PTCHD4: variants seen among roughly 807,000 people sequenced by gnomAD.
PTCHD4 encodes patched domain-containing protein 4.
A neutral mutation model predicts 58.1 loss-of-function variants in PTCHD4; 33 were observed. The observed-to-expected ratio is 0.57, with a 90% CI of 0.43 to 0.76. The LOEUF (loss-of-function observed/expected upper bound fraction) is 0.76, where lower values mean the gene tolerates loss of function less well. Ranked by LOEUF, PTCHD4 falls within the 30% of genes least tolerant of loss-of-function variation. The pLI, the probability that PTCHD4 is intolerant of heterozygous loss-of-function variation, is 0.00. For synonymous variants in PTCHD4, 478 were observed against 409.6 expected (o/e 1.17, Z -2.02); for missense variants, 1,058 against 1,027.1 (o/e 1.03, Z -0.41).
At chr6:48,013,382 T>TTC (rs1350579711) in intron 3 of PTCHD4, among the ~76,000 whole-genome samples, 2 of 151,658 alleles carry the variant, frequency 1.3e-5, no homozygotes, top group Non-Finnish European at 2.9e-5. Flanking sequence ...TGAGTTTTTT[T>TTC]TTTTTTTCTC....
chr6:47,948,603 C>A (rs988034504), intron 4 of PTCHD4, among the ~76,000 whole-genome samples: 11 of 152,272 alleles, frequency 7.2e-5, no homozygotes, highest in Middle Eastern at 3.4e-3. Flanking sequence ...GCTGAAATTT[C>A]TTCTGTTCTC....
At chr6:48,102,047 C>A (rs1401197759) in intron 1 of PTCHD4, among the ~76,000 whole-genome samples, 2 of 152,328 alleles carry the variant, frequency 1.3e-5, no homozygotes, top group Admixed American at 6.5e-5. Context: ...ATGTTCATTT[C>A]TTAGTCTAGA....
chr6:47,972,761 AT>A (rs148901383), intron 4 of PTCHD4, among the ~76,000 whole-genome samples: 8,778 of 152,092 alleles, frequency 0.058, 420 homozygotes, highest in African/African-American at 0.13. Context: ...GCTTCACCTA[AT>A]GTTAATGATG....
chr6:48,058,514 G>T (rs188716795), intron 3 of PTCHD4, among the ~76,000 whole-genome samples: 9 of 152,266 alleles, frequency 5.9e-5, no homozygotes, highest in African/African-American at 2.2e-4. Flanking sequence ...GAAAATAGCA[G>T]ATGCTTGGCT....
chr6:48,001,422 C>A (rs563055504), intron 4 of PTCHD4, among the ~76,000 whole-genome samples: 3 of 152,012 alleles, frequency 2.0e-5, no homozygotes, highest in African/African-American at 7.2e-5. Flanking sequence ...TATAGACCAA[C>A]GGAACAGAAC....
intron 4 of PTCHD4, among the ~76,000 whole-genome samples, chr6:47,916,465 A>G (rs928105852): frequency 9.2e-5 from 14 of 152,096 alleles, no homozygotes; most frequent in African/African-American, 3.4e-4. Context: ...GAGCCAAAGC[A>G]AGAAAAGGCT....
chr6:48,076,861 G>A (rs1254796557), intron 1 of PTCHD4, among the ~76,000 whole-genome samples: 1 of 152,200 alleles, frequency 6.6e-6, no homozygotes, highest in African/African-American at 2.4e-5. Flanking sequence ...AGCCTTATTT[G>A]AGTGCAGTTT....
At chr6:48,017,370 A>G (rs1762902871) in intron 3 of PTCHD4, among the ~76,000 whole-genome samples, 1 of 152,204 alleles carries the variant, frequency 6.6e-6, no homozygotes, top group Non-Finnish European at 1.5e-5. Context: ...CTAAATAAGT[A>G]ATAAATTCAA....
chr6:48,034,983 G>A lies in PTCHD4; in HGVS notation c.418-25869C>T, dbSNP rs150849417. 3.5e-4 allele frequency among the ~76,000 whole-genome samples: 53 copies of A among 152,204 alleles called. 2 individuals carry two copies. The East Asian group carries it at 0.01, about 29-fold the overall frequency. ...CACTTCACCCTTCCGAAGAAGGGGC[G>A]GGGACATATTTCTCATAAGAGTTGA... is the stretch of plus-strand genomic sequence containing the variant. On this transcript the variant is annotated intron_variant, in intron 3 of 4. Coordinates refer to ENST00000339488, the MANE Select transcript of PTCHD4 (RefSeq NM_001384253.1).
At position 47,860,334 on chromosome 6, in the gene PTCHD4, T is replaced by C. The variant is rs967827962; in HGVS notation, c.*17969A>G. On this transcript the variant is annotated 3_prime_UTR_variant, in exon 5 of 5. Transcript: ENST00000339488. ...AAGAAATGAAAGAAATATATAAAAC[T>C]GTCAATTAAGAAAAGACAAAGAAAT... is the stretch of plus-strand genomic sequence containing the variant. Among the ~76,000 whole-genome samples the C allele has an allele frequency of 1.3e-5, 2 of 151,988 alleles. No individual in the cohort carries two copies. Among genetic ancestry groups the C allele is most frequent in the Non-Finnish European group, 2.9e-5 (2 of 67,958 alleles).
At chr6:48,086,975 T>C (rs989420435) in intron 1 of PTCHD4, among the ~76,000 whole-genome samples, 2 of 152,180 alleles carry the variant, frequency 1.3e-5, no homozygotes, top group African/African-American at 4.8e-5. Flanking sequence ...ATATTAAATA[T>C]AAAGGAACTG....
chr6:48,021,754 T>C (rs964327386), intron 3 of PTCHD4, among the ~76,000 whole-genome samples: 1 of 152,158 alleles, frequency 6.6e-6, no homozygotes, highest in Non-Finnish European at 1.5e-5. Flanking sequence ...TTTTCTAATT[T>C]CTATTTTGCT....
intron 4 of PTCHD4, among the ~76,000 whole-genome samples, chr6:47,942,019 T>C (rs1469302076): frequency 6.6e-6 from 1 of 152,196 alleles, no homozygotes; most frequent in African/African-American, 2.4e-5. Flanking sequence ...TTGCACAATT[T>C]GGAATATTCT....
chr6:47,994,437 C>A (rs1768402379), intron 4 of PTCHD4, among the ~76,000 whole-genome samples: 1 of 152,122 alleles, frequency 6.6e-6, no homozygotes, highest in Non-Finnish European at 1.5e-5. Context: ...CAAGTCTTGA[C>A]CTTTTAATGA....
chr6:48,035,927 C>A (rs1763616589), intron 3 of PTCHD4, among the ~76,000 whole-genome samples: 1 of 152,056 alleles, frequency 6.6e-6, no homozygotes, highest in South Asian at 2.1e-4. Flanking sequence ...TATCTCTCTC[C>A]CCCACTGAAA....
intron 3 of PTCHD4, among the ~76,000 whole-genome samples, chr6:48,046,711 A>G (rs529628835): frequency 2.0e-5 from 3 of 151,988 alleles, no homozygotes; most frequent in Admixed American, 6.6e-5. Context: ...GTCCTGCAGT[A>G]TAACATCTAA....
At chr6:48,050,356 T>A (rs1470877655) in intron 3 of PTCHD4, among the ~76,000 whole-genome samples, 1 of 152,026 alleles carries the variant, frequency 6.6e-6, no homozygotes, top group South Asian at 2.1e-4. Context: ...CCTTTTCCAC[T>A]TTTAATCTTG....
In PTCHD4 at chr6:47,878,671, C is replaced by T. The variant is rs762289499; in HGVS notation, c.2164G>A (p.Ala722Thr). 21 of 1,613,330 alleles carry T rather than the reference C, an allele frequency of 1.3e-5. No individual in the cohort carries two copies. The highest frequency in any genetic ancestry group is 1.7e-5 in the Admixed American group (1 of 59,836). ...AGCAGTGGTGCACAGTGGTCAATGG[C>T]GAAATTCAAGGTGTAGATAAGGCAC... ...ILCLIYTLNF[A>T]IDHCAPLLFT... Residue 722 changes from alanine (A) to threonine (T), a missense_variant, in exon 5 of 5, where the codon GCC (alanine) becomes ACC (threonine). Transcript: ENST00000339488.
chr6:48,064,879 T>C (rs998310972), intron 3 of PTCHD4, among the ~76,000 whole-genome samples: 6 of 152,148 alleles, frequency 3.9e-5, no homozygotes, highest in African/African-American at 1.4e-4. Flanking sequence ...GTCATATAGA[T>C]GTAGGGATTT....
Sources: gnomAD v4.1 joint callset for allele counts (sites outside exome capture counted in the v4.1 genomes callset) on GRCh38, gnomAD v4.1.1 for gene constraint, MANE v1.5 for transcripts, NCBI Gene and HGNC (gene_info 2026-07-23, HGNC 2026-07-21) for gene names.